The following VAV3 variants were observed in gnomAD, a reference collection of about 807,000 sequenced individuals.
The protein encoded by VAV3 is guanine nucleotide exchange factor VAV3.
VAV3 carries 94 observed loss-of-function variants against 131.2 expected under a neutral mutation model. The ratio of observed to expected loss-of-function variants is 0.72; its 90% CI spans 0.61 to 0.85. VAV3 has a LOEUF of 0.85. Among genes scored for constraint, VAV3 ranks in the 40% least tolerant of loss-of-function variants. The probability of loss-of-function intolerance (pLI) is 0.00; values close to 1 mark genes in which losing one functional copy is unlikely to be tolerated. For missense variants in VAV3, 939 were observed against 1,002.7 expected, an observed-to-expected ratio of 0.94 and a Z score of 0.86; for synonymous variants, 349 against 342.0, an observed-to-expected ratio of 1.02 and a Z score of -0.22.
At chr1:107,684,077 A>C (rs1246489205) in intron 18 of VAV3, among the ~76,000 whole-genome samples, 1 of 152,268 alleles carries the variant, frequency 6.6e-6, no homozygotes, top group African/African-American at 2.4e-5. Flanking sequence ...TTTAAAAAAC[A>C]AAACAGACAT....
chr1:107,824,496 G>T (rs1322744884), intron 2 of VAV3, among the ~76,000 whole-genome samples: 1 of 152,110 alleles, frequency 6.6e-6, no homozygotes, highest in Admixed American at 6.5e-5. Flanking sequence ...GTACTGAAAA[G>T]GATCCACAGA....
chr1:107,740,350 A>C (rs1004761273), intron 15 of VAV3, among the ~76,000 whole-genome samples: 1 of 152,126 alleles, frequency 6.6e-6, no homozygotes, highest in Non-Finnish European at 1.5e-5. Context: ...AAGTTACTAC[A>C]TGGCTGCTAC....
At chr1:107,699,341 T>C (rs1338560672) in intron 17 of VAV3, among the ~76,000 whole-genome samples, 1 of 152,250 alleles carries the variant, frequency 6.6e-6, no homozygotes, top group African/African-American at 2.4e-5. Context: ...TCTGACTCCA[T>C]GTCTCATATC....
chr1:107,575,003 G>GTGTA (rs1649530181), intron 25 of VAV3, among the ~76,000 whole-genome samples: 1 of 34,256 alleles, frequency 2.9e-5, no homozygotes, highest in African/African-American at 9.1e-5. Context: ...GCGTGCGTGC[G>GTGTA]CGCGCGCGCG....
intron 15 of VAV3, among the ~76,000 whole-genome samples, chr1:107,728,893 GT>G (rs1662043405): frequency 6.6e-6 from 1 of 152,126 alleles, no homozygotes; most frequent in Non-Finnish European, 1.5e-5. Context: ...ATTCAGAATA[GT>G]TTTAAATTCA....
chr1:107,964,133 C>G (rs1571202551), intron 1 of VAV3, among the ~76,000 whole-genome samples: 1 of 152,282 alleles, frequency 6.6e-6, no homozygotes, highest in East Asian at 1.9e-4. Flanking sequence ...CCTCCGGGTT[C>G]TGCTCCCTGT....
At chr1:107,896,115 T>C (rs1002839582) in intron 1 of VAV3, among the ~76,000 whole-genome samples, 3 of 152,154 alleles carry the variant, frequency 2.0e-5, no homozygotes, top group African/African-American at 7.2e-5. Context: ...ACAACACAGA[T>C]ACATAATGTT....
At position 107,609,936 on chromosome 1, in the gene VAV3, T is replaced by C. The variant is rs1652593933; in HGVS notation, c.2010A>G (p.Gln670=). 1.2e-6 allele frequency: 2 copies of C among 1,613,342 alleles called. No homozygotes were observed. The highest frequency in any genetic ancestry group is 1.7e-5 in the Admixed American group (1 of 59,976). The part of the protein sequence containing the change: ...CVPKPVDYSC[Q]PWYAGAMERL... ...TAAACATTTTTAATACTTACCAGGG[T>C]TGGCAAGAATAATCTACTGGTTTGG... The change falls in exon 22 of 27, where the codon CAA becomes CAG. Residue 670 remains glutamine, a synonymous_variant. Coordinates refer to ENST00000370056, the MANE Select transcript of VAV3 (RefSeq NM_006113.5).
At chr1:107,855,478 A>ATGTTGCCCAG (rs2100969230) in intron 2 of VAV3, among the ~76,000 whole-genome samples, 1 of 152,156 alleles carries the variant, frequency 6.6e-6, no homozygotes, top group Admixed American at 6.5e-5. Flanking sequence ...TGGTTTTGCC[A>ATGTTGCCCAG]TGTTGCCCAG....
chr1:107,661,444 C>T (rs907928745), intron 19 of VAV3, among the ~76,000 whole-genome samples: 2 of 152,208 alleles, frequency 1.3e-5, no homozygotes, highest in Admixed American at 6.5e-5. Flanking sequence ...GGCAGATACA[C>T]TGAACATTCC....
intron 2 of VAV3, among the ~76,000 whole-genome samples, chr1:107,835,556 C>A (rs1298758455): frequency 6.6e-6 from 1 of 152,140 alleles, no homozygotes; most frequent in Non-Finnish European, 1.5e-5. Context: ...GCAGCCTCTG[C>A]CCAATGTAGC....
At chr1:107,730,311 CAT>C (rs1415608048) in intron 15 of VAV3, among the ~76,000 whole-genome samples, 1 of 152,170 alleles carries the variant, frequency 6.6e-6, no homozygotes, top group Non-Finnish European at 1.5e-5. Context: ...AAGAAACACA[CAT>C]ATTTATTTAA....
intron 4 of VAV3, among the ~76,000 whole-genome samples, chr1:107,775,227 A>G (rs902197808): frequency 2.7e-5 from 4 of 148,798 alleles, no homozygotes; most frequent in Non-Finnish European, 6.0e-5. Context: ...TAACAGTGAA[A>G]AGAACAAAAT....
rs115680633 is a variant in VAV3 at position 107,928,878 on chromosome 1, G to T, written c.204+35788C>A. Among the ~76,000 whole-genome samples, 207 of 152,162 alleles carry T rather than the reference G, an allele frequency of 1.4e-3. 1 individual carries two copies. Among genetic ancestry groups the T allele is most frequent in the African/African-American group, 4.8e-3 (200 of 41,530 alleles). On this transcript the variant is annotated intron_variant, in intron 1 of 26. Coordinates refer to ENST00000370056, the MANE Select transcript of VAV3 (RefSeq NM_006113.5). The stretch of plus-strand genomic sequence containing the variant: ...AACAGAACTTCCCAATGTAGAGAAA[G>T]ATATCGATATCCAAGTATAATAAGG...
intron 15 of VAV3, among the ~76,000 whole-genome samples, chr1:107,705,481 G>A (rs1248171336): frequency 6.6e-6 from 1 of 152,082 alleles, no homozygotes; most frequent in Non-Finnish European, 1.5e-5. Flanking sequence ...CTAAATAGAT[G>A]TGTGGACAAC....
In VAV3 at chr1:107,710,742, C is replaced by T. The variant is rs116365088; in HGVS notation, c.1503-5681G>A. The stretch of plus-strand genomic sequence containing the variant: ...ATTTAAAATAATATGGATAGTTTAT[C>T]GCCAGGATAGTTAGCGATATCATGA... On this transcript the variant is annotated intron_variant, in intron 15 of 26. Coordinates refer to ENST00000370056, the MANE Select transcript of VAV3 (RefSeq NM_006113.5). Among the ~76,000 whole-genome samples the T allele has an allele frequency of 5.7e-4, 86 of 152,078 alleles. 3 individuals are homozygous for T. Among genetic ancestry groups the T allele is most frequent in the Non-Finnish European group, 5.1e-4 (35 of 67,970 alleles).
chr1:107,957,148 C>T (rs545540268), intron 1 of VAV3, among the ~76,000 whole-genome samples: 10 of 152,212 alleles, frequency 6.6e-5, no homozygotes, highest in African/African-American at 2.2e-4. Context: ...CTAAAATGTG[C>T]CCCTTCTTTA....
intron 2 of VAV3, among the ~76,000 whole-genome samples, chr1:107,820,217 TCAG>T (rs1261167222): frequency 6.6e-6 from 1 of 152,106 alleles, no homozygotes; most frequent in East Asian, 1.9e-4. Context: ...TAAATGTCCA[TCAG>T]CAGATGAATG....
rs5776892 is a variant in VAV3, at chr1:107,609,550, T to TAA, written c.2015+379_2015+380dup. The TAA allele has an allele frequency of 3.6e-3, 553 of 152,308 alleles. 1 individual carries two copies. Among genetic ancestry groups the TAA allele is most frequent in the Middle Eastern group, 0.017 (5 of 300 alleles). The allele number at this position is 152,308 out of a possible 1,614,324, so 9.4% of individuals were successfully genotyped here. Reference sequence around the variant, plus strand: ...ACCCCATCTCTAAAACTATAAAAAATAAAAAAAAAAACTACTACTGTCCTT... The same window carrying TAA: ...ACCCCATCTCTAAAACTATAAAAAATAAAAAAAAAAAAACTACTACTGTCCTT... On this transcript the variant is annotated intron_variant, in intron 22 of 26. Coordinates refer to ENST00000370056, the MANE Select transcript of VAV3 (RefSeq NM_006113.5).
Sources: allele counts gnomAD v4.1 joint callset (sites outside exome capture counted in the v4.1 genomes callset), GRCh38; gene constraint gnomAD v4.1.1; transcripts MANE v1.5; gene names NCBI Gene and HGNC (gene_info 2026-07-23, HGNC 2026-07-21).